Variants in SUGT1 observed in about 807,000 individuals in gnomAD.
SUGT1 encodes the protein SGT1 assembly cochaperone of MIS12 kinetochore complex.
Under a neutral mutation model 56.1 loss-of-function variants are expected in SUGT1, and 15 were observed. The ratio of observed to expected loss-of-function variants is 0.27; its 90% CI spans 0.18 to 0.41. The LOEUF (loss-of-function observed/expected upper bound fraction) is 0.41. SUGT1 is among the 10% of genes least tolerant of loss of function. SUGT1 has a pLI of 1.00. For synonymous variants in SUGT1, 123 were observed against 128.6 expected (o/e 0.96, Z 0.30); for missense variants, 347 against 382.2 (o/e 0.91, Z 0.77).
chr13:52,669,642 A>G (rs543071338), intron 10 of SUGT1, among the ~76,000 whole-genome samples: 1 of 152,284 alleles, frequency 6.6e-6, no homozygotes, highest in South Asian at 2.1e-4. Flanking sequence ...CTTAGATTCT[A>G]AGGATGTGTC....
chr13:52,667,542 C>T (rs1203425588), intron 10 of SUGT1, among the ~76,000 whole-genome samples: 1 of 149,432 alleles, frequency 6.7e-6, no homozygotes, highest in African/African-American at 2.5e-5. Flanking sequence ...GATGGGGTTT[C>T]ACCATATTGG....
rs1963992791 is a variant in SUGT1, at chr13:52,698,313, C to G, written c.*10478C>G. ...AATGGATCTTAAATACTATGTAGTCCAAACGTTTGGTTTTACAGATGCACT... is the reference window on the plus strand; with the variant it reads ...AATGGATCTTAAATACTATGTAGTCGAAACGTTTGGTTTTACAGATGCACT... On this transcript the variant is annotated 3_prime_UTR_variant, in exon 13 of 13. Coordinates refer to ENST00000310528, the MANE Select transcript of SUGT1 (RefSeq NM_006704.5). 1 of 152,090 alleles carries G rather than the reference C, an allele frequency of 6.6e-6. No individual in the cohort carries two copies. The highest frequency in any genetic ancestry group is 2.4e-5 in the African/African-American group (1 of 41,422). The allele number at this position is 152,090 out of a possible 1,614,324, so 9.4% of individuals were successfully genotyped here. A position where few individuals can be genotyped will look rare whatever the true frequency, so the allele number is the denominator to read the frequency against.
intron 8 of SUGT1, among the ~76,000 whole-genome samples, chr13:52,665,342 T>C (rs1353171430): frequency 6.6e-6 from 1 of 152,224 alleles, no homozygotes; most frequent in African/African-American, 2.4e-5. Flanking sequence ...ATGACATCTT[T>C]AATATTTATA....
At chr13:52,654,341 G>A (rs781650838) in intron 2 of SUGT1, among the ~76,000 whole-genome samples, 4 of 152,116 alleles carry the variant, frequency 2.6e-5, no homozygotes, top group African/African-American at 9.7e-5. Context: ...TGTTATTGTC[G>A]TGTTAGACCT....
chr13:52,675,737 C>T (rs1199921434), intron 10 of SUGT1, among the ~76,000 whole-genome samples: 1 of 152,192 alleles, frequency 6.6e-6, no homozygotes, highest in African/African-American at 2.4e-5. Flanking sequence ...CAGGTTAATG[C>T]ACATGTAAAT....
chr13:52,666,302 C>T (rs1035827665), intron 9 of SUGT1, among the ~76,000 whole-genome samples: 2 of 152,166 alleles, frequency 1.3e-5, no homozygotes, highest in Non-Finnish European at 2.9e-5. Flanking sequence ...TTGTCGAATT[C>T]CTGACCTCAA....
chr13:52,657,663 T>C, intron 3 of SUGT1, 41 bp downstream of exon 3: 1 of 1,541,834 alleles, frequency 6.5e-7, no homozygotes. Context: ...TTTTAATAAG[T>C]TACTTATACA....
In SUGT1 at chr13:52,696,068, C is replaced by T. The variant is rs894251882; in HGVS notation, c.*8233C>T. The T allele has an allele frequency of 6.6e-6, 1 of 152,188 alleles. No individual in the cohort carries two copies. Among genetic ancestry groups the T allele is most frequent in the African/African-American group, 2.4e-5 (1 of 41,452 alleles). 9.4% of individuals were successfully genotyped at this position (152,188 alleles called of 1,614,324 possible). A position where few individuals can be genotyped will look rare whatever the true frequency, so the allele number is the denominator to read the frequency against. On this transcript the variant is annotated 3_prime_UTR_variant, in exon 13 of 13. Transcript: ENST00000310528. ...CATGCTTGAGAGTGCTAATCTATTC[C>T]TTGTTTGTCAGACCAGTACATTACA...
At position 52,652,965 on chromosome 13, in the gene SUGT1, G is replaced by A. The variant is rs760605572; in HGVS notation, c.38+7G>A. On this transcript the variant is annotated splice_region_variant and intron_variant, in intron 1 of 12. Transcript: ENST00000310528. The stretch of plus-strand genomic sequence containing the variant: ...GAACTGCAACATCCCAGAGGTGCAT[G>A]TTTTTCTTTCCCTTTGGTATTTATT... The A allele has an allele frequency of 3.8e-5, 62 of 1,614,120 alleles. No homozygotes were observed. Among genetic ancestry groups the A allele is most frequent in the Non-Finnish European group, 5.0e-5 (59 of 1,180,040 alleles).
chr13:52,661,542 CT>C, intron 5 of SUGT1: 1 of 393,422 alleles, frequency 2.5e-6, no homozygotes, highest in Non-Finnish European at 5.0e-6. Context: ...ATCCACCTGC[CT>C]TGGACTCCCA....
chr13:52,667,062 G>C, intron 10 of SUGT1, 143 bp downstream of exon 10: 1 of 588,032 alleles, frequency 1.7e-6, no homozygotes, highest in Non-Finnish European at 2.9e-6. Context: ...TAACTTTTGA[G>C]TATAAGGGTT....
intron 12 of SUGT1, among the ~76,000 whole-genome samples, chr13:52,683,161 A>C (rs1420433821): frequency 6.6e-6 from 1 of 152,162 alleles, no homozygotes; most frequent in Non-Finnish European, 1.5e-5. Context: ...GAGTAGTGAG[A>C]GTGGACATCC....
chr13:52,692,227 C>T lies in SUGT1; in HGVS notation c.*4392C>T, dbSNP rs1266884587. ...AAAGTAAAGTTCTTTGCCCAGGTCA[C>T]TCTACTAGTAAGTAATTGCAATAGC... On this transcript the variant is annotated 3_prime_UTR_variant, in exon 13 of 13. Coordinates refer to ENST00000310528, the MANE Select transcript of SUGT1 (RefSeq NM_006704.5). 6.6e-6 allele frequency: 1 copy of T among 152,114 alleles called. No homozygotes were observed. Among genetic ancestry groups the T allele is most frequent in the Non-Finnish European group, 1.5e-5 (1 of 68,048 alleles). 9.4% of individuals were successfully genotyped at this position (152,114 alleles called of 1,614,324 possible).
chr13:52,659,889 C>T (rs1447000124), intron 5 of SUGT1, among the ~76,000 whole-genome samples: 3 of 135,024 alleles, frequency 2.2e-5, no homozygotes, highest in Non-Finnish European at 4.6e-5. Context: ...AGTGCAGTGG[C>T]GCGATCTCGA....
intron 2 of SUGT1, among the ~76,000 whole-genome samples, chr13:52,654,505 G>C (rs920336237): frequency 2.6e-5 from 4 of 152,152 alleles, no homozygotes; most frequent in Non-Finnish European, 4.4e-5. Flanking sequence ...TAAGTCTATA[G>C]TTTGATGAGT....
Position 52,660,050 on chromosome 13 carries a change from C to G in SUGT1, c.328+801C>G, listed in dbSNP as rs556594756. ...TTCACCATGTTAGCCAGGATGGTCT[C>G]AATCTCCTGACCTTGTGATCCACCC... On this transcript the variant is annotated intron_variant, in intron 5 of 12. Transcript: ENST00000310528. 9.2e-5 allele frequency among the ~76,000 whole-genome samples: 14 copies of G among 151,474 alleles called. No homozygotes were observed. In the South Asian group the frequency reaches 2.5e-3, roughly 27 times the overall value.
intron 4 of SUGT1, 115 bp from the exon 5 acceptor site, chr13:52,659,064 C>A: frequency 1.4e-6 from 1 of 727,498 alleles, no homozygotes; most frequent in Non-Finnish European, 2.1e-6. Context: ...TATTAACATA[C>A]ACTTAAAATA....
Position 52,693,665 on chromosome 13 carries a change from T to G in SUGT1, c.*5830T>G, listed in dbSNP as rs987133326. The G allele has an allele frequency of 1.3e-5, 2 of 152,186 alleles. No homozygotes were observed. Among genetic ancestry groups the G allele is most frequent in the Admixed American group, 1.3e-4 (2 of 15,276 alleles). The allele number at this position is 152,186 out of a possible 1,614,324, so 9.4% of individuals were successfully genotyped here. Reference sequence around the variant, plus strand: ...ATGGTCTTAGTTGAATGAATTCATGTAACTCCACAGGTATCTTAATCCAGA... The same window carrying G: ...ATGGTCTTAGTTGAATGAATTCATGGAACTCCACAGGTATCTTAATCCAGA... On this transcript the variant is annotated 3_prime_UTR_variant, in exon 13 of 13. Coordinates refer to ENST00000310528, the MANE Select transcript of SUGT1 (RefSeq NM_006704.5).
At position 52,680,140 on chromosome 13, in the gene SUGT1, C is replaced by T. The variant is rs1426174962; in HGVS notation, c.885C>T (p.Ala295=). 1.3e-6 allele frequency: 2 copies of T among 1,580,400 alleles called. No homozygotes were observed. The highest frequency in any genetic ancestry group is 2.8e-5 in the African/African-American group (2 of 72,284). The change falls in exon 12 of 13, where the codon GCC becomes GCT. Residue 295 remains alanine (A), a synonymous_variant. Transcript: ENST00000310528. ...ATGGTTCTGATGAAGTGAAACGTGC[C>T]ATGAACAAATCCTTTGTAAGAATAT... ...YSDGSDEVKR[A]MNKSFMESGG...
Sources: allele counts gnomAD v4.1 joint callset (sites outside exome capture counted in the v4.1 genomes callset), GRCh38; gene constraint gnomAD v4.1.1; transcripts MANE v1.5; gene names NCBI Gene and HGNC (gene_info 2026-07-23, HGNC 2026-07-21).